The following NRXN1 variants were observed in gnomAD, a reference collection of about 807,000 sequenced individuals.
NRXN1 encodes the protein neurexin-1.
A neutral mutation model predicts 150.9 loss-of-function variants in NRXN1; 39 were observed. The observed-to-expected ratio is 0.26, with a 90% CI of 0.20 to 0.34. NRXN1 has a LOEUF of 0.34. Ranked by LOEUF, NRXN1 falls within the 10% of genes least tolerant of loss-of-function variation. NRXN1 has a pLI of 1.00. For synonymous variants in NRXN1, 924 were observed against 757.0 expected (o/e 1.22, Z -3.62); for missense variants, 1,815 against 1,949.9 (o/e 0.93, Z 1.30).
chr2:50,265,370 A>G (rs116674336), intron 17 of NRXN1, among the ~76,000 whole-genome samples: 1,582 of 152,174 alleles, frequency 0.01, 29 homozygotes, highest in African/African-American at 0.036. Context: ...GTGAGATTAA[A>G]ACTCTCTCTA....
intron 18 of NRXN1, among the ~76,000 whole-genome samples, chr2:50,180,656 T>A (rs2060650456): frequency 6.6e-6 from 1 of 152,080 alleles, no homozygotes; most frequent in Non-Finnish European, 1.5e-5. Context: ...CGAGGCCCCA[T>A]CCTAAAGCAG....
At chr2:50,244,536 C>T (rs1299117546) in intron 17 of NRXN1, among the ~76,000 whole-genome samples, 2 of 151,778 alleles carry the variant, frequency 1.3e-5, no homozygotes, top group Non-Finnish European at 2.9e-5. Flanking sequence ...CTTCCTATCT[C>T]TTGATTTGCT....
intron 17 of NRXN1, among the ~76,000 whole-genome samples, chr2:50,371,482 C>T (rs1013363332): frequency 5.3e-5 from 8 of 152,004 alleles, no homozygotes; most frequent in African/African-American, 7.2e-5. Flanking sequence ...GACCTATATA[C>T]ATTAAAGATT....
At chr2:50,051,481 C>A (rs1241993750) in intron 21 of NRXN1, among the ~76,000 whole-genome samples, 2 of 152,030 alleles carry the variant, frequency 1.3e-5, no homozygotes, top group East Asian at 3.8e-4. Flanking sequence ...GAAAGTCTAT[C>A]AATTTATTTG....
chr2:50,089,732 G>A (rs1573849915), intron 19 of NRXN1, among the ~76,000 whole-genome samples: 1 of 151,560 alleles, frequency 6.6e-6, no homozygotes, highest in East Asian at 1.9e-4. Context: ...TGAGGTTACA[G>A]TGAGCTATGA....
chr2:50,480,141 A>G (rs1216665885), intron 15 of NRXN1, among the ~76,000 whole-genome samples: 1 of 152,148 alleles, frequency 6.6e-6, no homozygotes, highest in African/African-American at 2.4e-5. Context: ...ATTCAATGGC[A>G]TATTTTTTCC....
At chr2:50,974,396 G>C (rs1362390154) in intron 2 of NRXN1, among the ~76,000 whole-genome samples, 1 of 152,134 alleles carries the variant, frequency 6.6e-6, no homozygotes, top group African/African-American at 2.4e-5. Flanking sequence ...AGCTTACACA[G>C]CAGGATATGA....
At chr2:50,582,992 CTT>C (rs368125579) in intron 8 of NRXN1, among the ~76,000 whole-genome samples, 1 of 151,914 alleles carries the variant, frequency 6.6e-6, no homozygotes, top group African/African-American at 2.4e-5. Context: ...TTTCTTCTCT[CTT>C]TTCTCTCTGA....
intron 21 of NRXN1, among the ~76,000 whole-genome samples, chr2:50,049,420 T>C (rs933046390): frequency 6.6e-6 from 1 of 152,146 alleles, no homozygotes; most frequent in South Asian, 2.1e-4. Context: ...CAAAGTACAA[T>C]GATGTGACCC....
chr2:50,931,760 G>A (rs1687777214), intron 2 of NRXN1, among the ~76,000 whole-genome samples: 1 of 152,032 alleles, frequency 6.6e-6, no homozygotes, highest in African/African-American at 2.4e-5. Context: ...AAAGTTTTAT[G>A]AAAATCACTG....
intron 5 of NRXN1, among the ~76,000 whole-genome samples, chr2:50,732,957 A>T (rs1260017281): frequency 6.6e-6 from 1 of 152,178 alleles, no homozygotes; most frequent in Non-Finnish European, 1.5e-5. Flanking sequence ...GTGTATTGTA[A>T]CAACTAGCTC....
chr2:50,599,082 T>C (rs1293755433), intron 8 of NRXN1, among the ~76,000 whole-genome samples: 2 of 152,098 alleles, frequency 1.3e-5, no homozygotes, highest in African/African-American at 4.8e-5. Flanking sequence ...AACTCTCCTA[T>C]TTCTTTTAAA....
chr2:50,815,410 C>T (rs1312560127), intron 5 of NRXN1, among the ~76,000 whole-genome samples: 1 of 152,028 alleles, frequency 6.6e-6, no homozygotes, highest in Admixed American at 6.6e-5. Context: ...TTTACAGTAC[C>T]TATATTTCAT....
chr2:50,850,695 C>A (rs1425798261), intron 5 of NRXN1, among the ~76,000 whole-genome samples: 1 of 152,014 alleles, frequency 6.6e-6, no homozygotes, highest in African/African-American at 2.4e-5. Context: ...GGTAAGTAAA[C>A]TAGTTCACAT....
At chr2:50,450,099 T>C (rs575417535) in intron 17 of NRXN1, among the ~76,000 whole-genome samples, 1 of 152,188 alleles carries the variant, frequency 6.6e-6, no homozygotes, top group Non-Finnish European at 1.5e-5. Context: ...CCTATTGTTA[T>C]AGAAGGTGCT....
intron 5 of NRXN1, among the ~76,000 whole-genome samples, chr2:50,910,487 T>C (rs1684367738): frequency 6.6e-6 from 1 of 151,826 alleles, no homozygotes; most frequent in African/African-American, 2.4e-5. Flanking sequence ...GAATCTAGGG[T>C]CTAAATGTGG....
At chr2:50,119,444 G>A (rs1335252508) in intron 18 of NRXN1, among the ~76,000 whole-genome samples, 8 of 151,872 alleles carry the variant, frequency 5.3e-5, no homozygotes, top group Non-Finnish European at 1.2e-4. Context: ...AAAATTGCAA[G>A]TTTTCCTTTG....
intron 18 of NRXN1, among the ~76,000 whole-genome samples, chr2:50,106,717 C>G (rs1440391157): frequency 6.6e-6 from 1 of 151,844 alleles, no homozygotes; most frequent in Non-Finnish European, 1.5e-5. Flanking sequence ...CTGTCTCAAA[C>G]TTTGTGATCA....
In NRXN1 at chr2:50,498,014, C is replaced by G. The variant is rs13001103; in HGVS notation, c.2498-300G>C. Among the ~76,000 whole-genome samples the G allele has an allele frequency of 0.56, 85,101 of 151,356 alleles. 25,458 individuals carry two copies. The highest frequency in any genetic ancestry group is 0.78 in the African/African-American group (32,291 of 41,252). On this transcript the variant is annotated intron_variant, in intron 13 of 22. Transcript: ENST00000401669. The stretch of plus-strand genomic sequence containing the variant: ...ATAAACAAATTAGCAAGAGAGTGAG[C>G]ACATAGTAAAAGAAGGAGAGGGAGG...
Sources: gnomAD v4.1 joint callset for allele counts (sites outside exome capture counted in the v4.1 genomes callset) on GRCh38, gnomAD v4.1.1 for gene constraint, MANE v1.5 for transcripts, NCBI Gene and HGNC (gene_info 2026-07-23, HGNC 2026-07-21) for gene names.